Variants in MCCC2 observed in about 807,000 individuals in gnomAD.
MCCC2 encodes methylcrotonoyl-CoA carboxylase beta chain, mitochondrial.
In MCCC2, 52 loss-of-function variants were observed where a neutral mutation model predicts 77.2. The observed-to-expected ratio is 0.67, with a 90% CI of 0.54 to 0.85. MCCC2 has a LOEUF of 0.85. Ranked by LOEUF, MCCC2 falls within the 40% of genes least tolerant of loss-of-function variation. MCCC2 has a pLI of 0.00. For synonymous variants in MCCC2, 253 were observed against 248.4 expected (o/e 1.02, Z -0.18); for missense variants, 682 against 703.2 (o/e 0.97, Z 0.34).
intron 2 of MCCC2, among the ~76,000 whole-genome samples, chr5:71,594,043 G>A (rs7449316): frequency 0.76 from 114,929 of 152,062 alleles, 44,017 homozygotes; most frequent in East Asian, 0.86. Flanking sequence ...AGCTGAGACT[G>A]TACCTGTGCC....
At chr5:71,600,672 C>T (rs1056646264) in intron 4 of MCCC2, among the ~76,000 whole-genome samples, 9 of 152,188 alleles carry the variant, frequency 5.9e-5, no homozygotes, top group African/African-American at 2.2e-4. Flanking sequence ...TGACAAATGA[C>T]AGATGAGCTG....
At chr5:71,630,419 A>G (rs1033326184) in intron 7 of MCCC2, among the ~76,000 whole-genome samples, 1 of 151,698 alleles carries the variant, frequency 6.6e-6, no homozygotes, top group Non-Finnish European at 1.5e-5. Flanking sequence ...CTTTGCACCT[A>G]TCACACTATC....
chr5:71,587,583 G>T (rs1489747730), intron 1 of MCCC2, 29 bp downstream of exon 1: 2 of 1,529,710 alleles, frequency 1.3e-6, no homozygotes, highest in Non-Finnish European at 1.8e-6. Flanking sequence ...TGGCCTGGCC[G>T]CCGGTGCCAG....
chr5:71,602,138 T>C (rs1745459855), intron 4 of MCCC2, among the ~76,000 whole-genome samples: 1 of 152,188 alleles, frequency 6.6e-6, no homozygotes, highest in Non-Finnish European at 1.5e-5. Flanking sequence ...GGGAATTCTT[T>C]TCCCTTGAGA....
At chr5:71,645,534 A>G (rs897114169) in intron 12 of MCCC2, among the ~76,000 whole-genome samples, 3 of 152,230 alleles carry the variant, frequency 2.0e-5, no homozygotes, top group Admixed American at 6.5e-5. Flanking sequence ...TATATTTACT[A>G]TAATCCTGAT....
intron 6 of MCCC2, among the ~76,000 whole-genome samples, chr5:71,621,541 C>T (rs1746348869): frequency 6.6e-6 from 1 of 152,130 alleles, no homozygotes; most frequent in African/African-American, 2.4e-5. Context: ...CTGCAGTGAG[C>T]TGTGTTTGTG....
chr5:71,605,141 C>A (rs1218894711), intron 6 of MCCC2, among the ~76,000 whole-genome samples: 1 of 86,716 alleles, frequency 1.2e-5, no homozygotes, highest in Non-Finnish European at 2.6e-5. Context: ...GTTCTAGATC[C>A]CTGAGGAATC....
At chr5:71,598,699 A>G (rs777930057) in intron 3 of MCCC2, among the ~76,000 whole-genome samples, 46 of 140,436 alleles carry the variant, frequency 3.3e-4, no homozygotes, top group Non-Finnish European at 6.2e-4. Flanking sequence ...CACGTGATCT[A>G]CCTGTCTCAG....
chr5:71,594,901 T>C (rs1246774834), intron 2 of MCCC2, among the ~76,000 whole-genome samples: 1 of 150,676 alleles, frequency 6.6e-6, no homozygotes, highest in East Asian at 1.9e-4. Context: ...TCTCTCTCTT[T>C]TTTTTTTTTT....
intron 6 of MCCC2, among the ~76,000 whole-genome samples, chr5:71,617,569 G>C (rs150498981): frequency 1.3e-5 from 2 of 152,220 alleles, no homozygotes; most frequent in Admixed American, 6.5e-5. Context: ...GAGTGGTTCT[G>C]TTTCCTAAGT....
At chr5:71,633,131 A>ATATATTTTTTTTTTTATT (rs1554137344) in intron 8 of MCCC2, among the ~76,000 whole-genome samples, 1 of 78,096 alleles carries the variant, frequency 1.3e-5, no homozygotes, top group East Asian at 4.8e-4. Flanking sequence ...ATATATATAT[A>ATATATTTTTTTTTTTATT]TTTTTATTTT....
At chr5:71,606,051 G>A (rs900801988) in intron 6 of MCCC2, among the ~76,000 whole-genome samples, 1 of 152,092 alleles carries the variant, frequency 6.6e-6, no homozygotes, top group Non-Finnish European at 1.5e-5. Flanking sequence ...TTGCCTTGGC[G>A]ATGTGGGCTC....
chr5:71,609,795 C>T (rs1265097629), intron 6 of MCCC2, among the ~76,000 whole-genome samples: 1 of 151,928 alleles, frequency 6.6e-6, no homozygotes, highest in East Asian at 1.9e-4. Context: ...CAGACAGGAC[C>T]CTCAGCTGCA....
chr5:71,637,645 A>C (rs1746975815), intron 10 of MCCC2, among the ~76,000 whole-genome samples: 2 of 152,196 alleles, frequency 1.3e-5, no homozygotes, highest in Admixed American at 6.5e-5. Context: ...GAAGTCTGCC[A>C]CACTGACTGA....
chr5:71,652,825 C>T, intron 16 of MCCC2, 71 bp downstream of exon 16: 1 of 1,306,594 alleles, frequency 7.7e-7, no homozygotes, highest in Non-Finnish European at 1.1e-6. Context: ...TTACAGAGCT[C>T]TGTGTAGTTG....
intron 3 of MCCC2, among the ~76,000 whole-genome samples, chr5:71,598,080 T>G (rs1178034956): frequency 5.3e-5 from 8 of 150,940 alleles, no homozygotes; most frequent in Non-Finnish European, 1.2e-4. Flanking sequence ...TCTTTTTTTT[T>G]TTTTTTTTTT....
At chr5:71,653,286 T>C (rs908920424) in intron 16 of MCCC2, among the ~76,000 whole-genome samples, 7 of 152,186 alleles carry the variant, frequency 4.6e-5, no homozygotes, top group African/African-American at 1.7e-4. Context: ...CACAGACCAT[T>C]GCCGCTGTTG....
In MCCC2 at chr5:71,650,143, C is replaced by G; in HGVS notation, c.1448C>G (p.Ala483Gly). The G allele has an allele frequency of 2.5e-6, 4 of 1,614,122 alleles. No homozygotes were observed. In the South Asian group the frequency reaches 4.4e-5, roughly 18 times the overall value. The change falls in exon 15 of 17, where the codon GCC becomes GGC. Residue 483 changes from alanine (A) to glycine (G), a missense_variant. Coordinates refer to ENST00000340941, the MANE Select transcript of MCCC2 (RefSeq NM_022132.5). ...GGAGAGCAGGCAGCCAATGTGTTGG[C>G]CACGATAACAAAGGACCAAAGAGCC... is the stretch of plus-strand genomic sequence containing the variant. ...MGGEQAANVL[A>G]TITKDQRARE... is the part of the protein sequence containing the mutation.
intron 6 of MCCC2, among the ~76,000 whole-genome samples, chr5:71,616,842 G>A (rs1033182429): frequency 2.0e-5 from 3 of 152,128 alleles, no homozygotes; most frequent in Non-Finnish European, 4.4e-5. Flanking sequence ...GATGAGTCCT[G>A]TTGGTTTCAC....
Sources: allele counts gnomAD v4.1 joint callset (sites outside exome capture counted in the v4.1 genomes callset), GRCh38; gene constraint gnomAD v4.1.1; transcripts MANE v1.5; gene names NCBI Gene and HGNC (gene_info 2026-07-23, HGNC 2026-07-21).